The following MAP4K4 variants were observed in gnomAD, a reference collection of about 807,000 sequenced individuals.
The protein encoded by MAP4K4 is HPK/GCK-like kinase HGK.
Under a neutral mutation model 189.6 loss-of-function variants are expected in MAP4K4, and 38 were observed. The observed-to-expected ratio is 0.20, with a 90% CI of 0.15 to 0.26. The LOEUF (loss-of-function observed/expected upper bound fraction) is 0.26. Among genes scored for constraint, MAP4K4 ranks in the 10% least tolerant of loss-of-function variants. The pLI, the probability that MAP4K4 is intolerant of heterozygous loss-of-function variation, is 1.00. For missense variants in MAP4K4, 1,054 were observed against 1,726.9 expected (o/e 0.61, Z 6.91); for synonymous variants, 610 against 624.3 (o/e 0.98, Z 0.34).
intron 2 of MAP4K4, among the ~76,000 whole-genome samples, chr2:101,766,620 T>G (rs571421660): frequency 3.9e-5 from 6 of 152,042 alleles, no homozygotes; most frequent in Non-Finnish European, 7.3e-5. Context: ...GATTTTTTTT[T>G]TTTTCATTTC....
chr2:101,740,151 CTTTTTT>C (rs71250687), intron 2 of MAP4K4, among the ~76,000 whole-genome samples: 3 of 87,224 alleles, frequency 3.4e-5, no homozygotes, highest in Admixed American at 1.3e-4. Flanking sequence ...TTTATATCAT[CTTTTTT>C]TTTTTTTTTT....
chr2:101,735,625 G>A (rs367699890), intron 2 of MAP4K4, among the ~76,000 whole-genome samples: 7 of 152,112 alleles, frequency 4.6e-5, no homozygotes, highest in East Asian at 1.9e-4. Context: ...ATGGGAGGCC[G>A]TCTTTGTCAA....
At chr2:101,727,525 AT>A (rs2056158175) in intron 2 of MAP4K4, among the ~76,000 whole-genome samples, 1 of 152,250 alleles carries the variant, frequency 6.6e-6, no homozygotes, top group South Asian at 2.1e-4. Flanking sequence ...TCCAACATAG[AT>A]TACCAAGTAA....
chr2:101,744,945 G>A (rs1423031499), intron 2 of MAP4K4, among the ~76,000 whole-genome samples: 1 of 152,140 alleles, frequency 6.6e-6, no homozygotes, highest in Non-Finnish European at 1.5e-5. Flanking sequence ...AGTTCTAAGT[G>A]TTGAAGGTAC....
At chr2:101,823,642 G>A (rs1055611121) in intron 3 of MAP4K4, among the ~76,000 whole-genome samples, 1 of 152,168 alleles carries the variant, frequency 6.6e-6, no homozygotes, top group Non-Finnish European at 1.5e-5. Flanking sequence ...TGCATTGCCC[G>A]AGGTCACAGT....
At position 101,857,242 on chromosome 2, in the gene MAP4K4, TA is replaced by T. The variant is rs570404270; in HGVS notation, c.1395+1115del. 2.6e-3 allele frequency among the ~76,000 whole-genome samples: 394 copies of T among 149,812 alleles called. 1 individual carries two copies. The highest frequency in any genetic ancestry group is 6.4e-3 in the African/African-American group (262 of 41,048). ...AATAGCAAGTATTTGGCACCACTTT[TA>T]AAAAAAAAAATTCTAAAATCGGTTT... is the stretch of plus-strand genomic sequence containing the variant. On this transcript the variant is annotated intron_variant, in intron 13 of 32. Transcript: ENST00000324219.
At chr2:101,870,365 A>C in exon 23 of MAP4K4, 12 of 1,613,774 alleles carry the variant, frequency 7.4e-6, no homozygotes, top group Non-Finnish European at 1.0e-5. Flanking sequence ...TGATGTAGAA[A>C]GTGAGCCGGC....
At chr2:101,799,583 G>T (rs1441719499) in intron 3 of MAP4K4, among the ~76,000 whole-genome samples, 2 of 143,006 alleles carry the variant, frequency 1.4e-5, no homozygotes, top group African/African-American at 2.6e-5. Context: ...ATGTGTGTGG[G>T]TTTTTTTTTT....
Position 101,838,000 on chromosome 2 carries a change from A to G in MAP4K4, c.774-1819A>G, listed in dbSNP as rs576405476. ...AAAAGGATGAGAAAATTATGGACGT[A>G]AAGTCCTTCTTCCTTTGTGATTGCT... is the stretch of plus-strand genomic sequence containing the variant. On this transcript the variant is annotated intron_variant, in intron 9 of 32. Transcript: ENST00000324219. 7.2e-5 allele frequency among the ~76,000 whole-genome samples: 11 copies of G among 152,378 alleles called. No individual in the cohort carries two copies. In the East Asian group the frequency reaches 1.9e-3, roughly 27 times the overall value.
intron 16 of MAP4K4, among the ~76,000 whole-genome samples, chr2:101,862,427 T>C (rs2149880403): frequency 6.6e-6 from 1 of 151,760 alleles, no homozygotes; most frequent in East Asian, 1.9e-4. Flanking sequence ...CTGGACACAA[T>C]TAAAAGAGGA....
At chr2:101,799,987 C>A (rs1484599771) in intron 3 of MAP4K4, among the ~76,000 whole-genome samples, 1 of 152,092 alleles carries the variant, frequency 6.6e-6, no homozygotes, top group Non-Finnish European at 1.5e-5. Context: ...CTAGATCATA[C>A]CCTCTTGTAG....
chr2:101,764,982 A>G (rs2077993243), intron 2 of MAP4K4, among the ~76,000 whole-genome samples: 1 of 152,248 alleles, frequency 6.6e-6, no homozygotes, highest in South Asian at 2.1e-4. Flanking sequence ...TGTAGGTAAT[A>G]TACCATTATC....
chr2:101,825,791 C>T (rs2096325581), intron 5 of MAP4K4, among the ~76,000 whole-genome samples: 1 of 152,154 alleles, frequency 6.6e-6, no homozygotes, highest in Non-Finnish European at 1.5e-5. Context: ...GCTTATAAAT[C>T]AATACTAATG....
intron 3 of MAP4K4, among the ~76,000 whole-genome samples, chr2:101,810,423 A>G (rs1181876082): frequency 6.6e-6 from 1 of 152,190 alleles, no homozygotes; most frequent in Non-Finnish European, 1.5e-5. Flanking sequence ...ATTAATATAT[A>G]AGTAACATCA....
At chr2:101,745,000 A>G (rs774727129) in intron 2 of MAP4K4, among the ~76,000 whole-genome samples, 1 of 152,100 alleles carries the variant, frequency 6.6e-6, no homozygotes, top group Non-Finnish European at 1.5e-5. Context: ...CACTTTGTTG[A>G]TGGTGCAGCA....
chr2:101,815,891 C>T (rs1162628554), intron 3 of MAP4K4, among the ~76,000 whole-genome samples: 1 of 152,132 alleles, frequency 6.6e-6, no homozygotes, highest in Non-Finnish European at 1.5e-5. Context: ...CTTTCCCTTA[C>T]CTCAGGTGGT....
chr2:101,803,289 GTGTGTCTGTCTGTGTC>G (rs1414204494), intron 3 of MAP4K4, among the ~76,000 whole-genome samples: 4,769 of 151,506 alleles, frequency 0.031, 275 homozygotes, highest in African/African-American at 0.11. Flanking sequence ...GTGTTTGTGT[GTGTGTCTGTCTGTGTC>G]TGTGTCTGTC....
At chr2:101,710,788 T>G (rs375018531) in intron 2 of MAP4K4, among the ~76,000 whole-genome samples, 4 of 152,308 alleles carry the variant, frequency 2.6e-5, no homozygotes, top group African/African-American at 9.6e-5. Flanking sequence ...TGTGGAGCAG[T>G]GAACAGTCTG....
intron 12 of MAP4K4, among the ~76,000 whole-genome samples, chr2:101,845,087 G>T (rs2097055291): frequency 1.3e-5 from 2 of 151,560 alleles, no homozygotes; most frequent in Non-Finnish European, 2.9e-5. Flanking sequence ...GGCAAAGAAG[G>T]ACCCTTCCCT....
Sources: allele counts gnomAD v4.1 joint callset (sites outside exome capture counted in the v4.1 genomes callset), GRCh38; gene constraint gnomAD v4.1.1; transcripts MANE v1.5; gene names NCBI Gene and HGNC (gene_info 2026-07-23, HGNC 2026-07-21).